COL24A1: variants seen among roughly 807,000 people sequenced by gnomAD.
COL24A1 encodes collagen type XXIV alpha 1 chain, also known as collagen alpha-1(XXIV) chain.
COL24A1 carries 224 observed loss-of-function variants against 253.9 expected under a neutral mutation model. That is an observed-to-expected ratio of 0.88 (90% CI 0.79 to 0.99). The LOEUF (loss-of-function observed/expected upper bound fraction) is 0.99, where lower values mean the gene tolerates loss of function less well. Ranked by LOEUF, COL24A1 falls within the 50% of genes least tolerant of loss-of-function variation. The probability of loss-of-function intolerance (pLI) is 0.00; values close to 1 mark genes in which losing one functional copy is unlikely to be tolerated. For synonymous variants in COL24A1, 685 were observed against 673.7 expected (o/e 1.02, Z -0.26); for missense variants, 2,131 against 2,068.5 (o/e 1.03, Z -0.59).
intron 1 of COL24A1, among the ~76,000 whole-genome samples, chr1:86,152,682 C>G (rs1379466314): frequency 6.6e-6 from 1 of 152,126 alleles, no homozygotes; most frequent in African/African-American, 2.4e-5. Context: ...TGTCTAGAGT[C>G]CAGTCAGTAG....
At chr1:86,106,528 C>G (rs557952729) in intron 5 of COL24A1, among the ~76,000 whole-genome samples, 1 of 152,272 alleles carries the variant, frequency 6.6e-6, no homozygotes, top group Non-Finnish European at 1.5e-5. Context: ...ATTGTAAGCA[C>G]ATGGTAGGCT....
At chr1:85,748,708 T>C (rs1359872572) in intron 55 of COL24A1, among the ~76,000 whole-genome samples, 1 of 141,398 alleles carries the variant, frequency 7.1e-6, no homozygotes, top group African/African-American at 2.6e-5. Flanking sequence ...GGGCGAGGCA[T>C]TGCCTCACCT....
intron 37 of COL24A1, among the ~76,000 whole-genome samples, chr1:85,858,621 CTCCTTCCTTCCTTCCTTCCTTCCT>C (rs1192322864): frequency 6.6e-4 from 75 of 113,370 alleles, no homozygotes; most frequent in African/African-American, 2.2e-3. Flanking sequence ...TATTTTCTCC[CTCCTTCCTTCCTTCCTTCCTTCCT>C]TCCTTCCTTC....
chr1:85,777,209 A>T (rs184340), intron 52 of COL24A1, among the ~76,000 whole-genome samples: 59,782 of 151,732 alleles, frequency 0.39, 13,209 homozygotes, highest in South Asian at 0.57. Context: ...CAGCCTCCCA[A>T]AGTGCTGAGA....
chr1:85,888,066 C>T (rs1200490240), intron 32 of COL24A1, among the ~76,000 whole-genome samples: 1 of 151,864 alleles, frequency 6.6e-6, no homozygotes, highest in Non-Finnish European at 1.5e-5. Context: ...ATAGTATCAT[C>T]AACTCTTTAA....
chr1:86,081,756 T>A (rs1211111986), intron 7 of COL24A1, among the ~76,000 whole-genome samples: 1 of 152,180 alleles, frequency 6.6e-6, no homozygotes, highest in Non-Finnish European at 1.5e-5. Context: ...TTAATCATAC[T>A]TAATATACTG....
intron 12 of COL24A1, chr1:86,045,839 T>C (rs1407230210): frequency 2.3e-6 from 1 of 440,016 alleles, no homozygotes; most frequent in Non-Finnish European, 4.6e-6. Flanking sequence ...GTATCTCATT[T>C]TGGCCAGACG....
chr1:86,039,560 A>G (rs1699302641), intron 12 of COL24A1, among the ~76,000 whole-genome samples: 1 of 152,196 alleles, frequency 6.6e-6, no homozygotes. Flanking sequence ...TTCTTTCTAG[A>G]GGAAGGTTTA....
At chr1:85,919,680 C>T (rs1686255521) in intron 24 of COL24A1, among the ~76,000 whole-genome samples, 1 of 152,084 alleles carries the variant, frequency 6.6e-6, no homozygotes, top group Admixed American at 6.6e-5. Context: ...GACCCTGTCT[C>T]TTAAAAAATA....
At chr1:85,915,804 G>T (rs189292392) in intron 24 of COL24A1, among the ~76,000 whole-genome samples, 9 of 151,994 alleles carry the variant, frequency 5.9e-5, no homozygotes, top group Non-Finnish European at 1.2e-4. Context: ...ACAGAGCACC[G>T]TGCCCGGCTA....
intron 19 of COL24A1, among the ~76,000 whole-genome samples, chr1:85,994,994 A>C (rs933061895): frequency 2.0e-5 from 3 of 152,154 alleles, no homozygotes; most frequent in Non-Finnish European, 4.4e-5. Flanking sequence ...CTGTAATTCT[A>C]TGTATTTGAG....
chr1:85,964,865 A>T (rs1188808904), intron 23 of COL24A1, 144 bp downstream of exon 23: 2 of 628,298 alleles, frequency 3.2e-6, no homozygotes, highest in Non-Finnish European at 5.5e-6. Context: ...AAAGATATAG[A>T]TTCTCAGTTG....
At chr1:86,089,678 G>C (rs779477779) in intron 6 of COL24A1, among the ~76,000 whole-genome samples, 2 of 152,028 alleles carry the variant, frequency 1.3e-5, no homozygotes, top group African/African-American at 2.4e-5. Flanking sequence ...AAACTAGCCG[G>C]GCATGGTGTC....
intron 19 of COL24A1, among the ~76,000 whole-genome samples, chr1:85,999,499 T>C (rs12125053): frequency 0.29 from 44,462 of 151,742 alleles, 7,488 homozygotes; most frequent in Non-Finnish European, 0.37. Flanking sequence ...AGTGCATGCC[T>C]GTGGTCCAAG....
At chr1:85,780,012 T>A (rs986305009) in intron 52 of COL24A1, among the ~76,000 whole-genome samples, 1 of 152,202 alleles carries the variant, frequency 6.6e-6, no homozygotes, top group Admixed American at 6.5e-5. Context: ...AATTAATACA[T>A]CATATTTTTG....
intron 7 of COL24A1, among the ~76,000 whole-genome samples, chr1:86,075,291 G>C (rs1001167012): frequency 2.6e-5 from 4 of 152,192 alleles, no homozygotes; most frequent in African/African-American, 9.6e-5. Flanking sequence ...AGAAAATCTA[G>C]AAGAAATTGA....
intron 43 of COL24A1, among the ~76,000 whole-genome samples, chr1:85,824,961 T>C (rs1034878603): frequency 1.3e-5 from 2 of 151,142 alleles, no homozygotes; most frequent in Non-Finnish European, 2.9e-5. Flanking sequence ...TTAGGGTACA[T>C]GTGCACAATG....
intron 24 of COL24A1, among the ~76,000 whole-genome samples, chr1:85,944,998 T>TTG (rs577285478): frequency 1.2e-5 from 1 of 81,148 alleles, no homozygotes; most frequent in African/African-American, 4.7e-5. Context: ...CAGTCTATCA[T>TTG]TGTGTTTTTT....
At chr1:85,772,284 A>G (rs909182729) in intron 53 of COL24A1, among the ~76,000 whole-genome samples, 3 of 151,692 alleles carry the variant, frequency 2.0e-5, no homozygotes, top group African/African-American at 7.2e-5. Flanking sequence ...TTAGAATGGC[A>G]ATCATTAAAA....
Sources: allele counts gnomAD v4.1 joint callset (sites outside exome capture counted in the v4.1 genomes callset), GRCh38; gene constraint gnomAD v4.1.1; transcripts MANE v1.5; gene names NCBI Gene and HGNC (gene_info 2026-07-23, HGNC 2026-07-21).